MARCO: variants seen among roughly 807,000 people sequenced by gnomAD.
The protein encoded by MARCO is macrophage receptor with collagenous structure.
MARCO carries 72 observed loss-of-function variants against 70.0 expected under a neutral mutation model. The ratio of observed to expected loss-of-function variants is 1.03; its 90% CI spans 0.85 to 1.25. The LOEUF is 1.25. Ranked by LOEUF, MARCO falls within the 50% of genes most tolerant of loss-of-function variation. The pLI, the probability that MARCO is intolerant of heterozygous loss-of-function variation, is 0.00. For synonymous variants in MARCO, 273 were observed against 243.1 expected (o/e 1.12, Z -1.14); for missense variants, 696 against 659.3 (o/e 1.06, Z -0.61).
intron 12 of MARCO, among the ~76,000 whole-genome samples, chr2:118,986,890 CT>C (rs1680529078): frequency 6.6e-6 from 1 of 152,140 alleles, no homozygotes; most frequent in African/African-American, 2.4e-5. Context: ...GAACTTACCC[CT>C]GACTAGCTGA....
At chr2:118,943,427 C>T (rs1679540479) in intron 1 of MARCO, among the ~76,000 whole-genome samples, 1 of 152,212 alleles carries the variant, frequency 6.6e-6, no homozygotes, top group African/African-American at 2.4e-5. Context: ...CAAGCATACT[C>T]AGCACCTATT....
chr2:118,957,745 T>C (rs902284206), intron 1 of MARCO, among the ~76,000 whole-genome samples: 2 of 152,032 alleles, frequency 1.3e-5, no homozygotes, highest in Non-Finnish European at 2.9e-5. Flanking sequence ...TGAACATAGA[T>C]GTGAAAATCC....
chr2:118,992,890 GCCACAGGGGCACC>G, intron 15 of MARCO: 2 of 502,030 alleles, frequency 4.0e-6, no homozygotes, highest in Non-Finnish European at 7.0e-6. Flanking sequence ...TTGCAAACCA[GCCACAGGGGCACC>G]TGCCCCTGTG....
chr2:118,958,783 A>G lies in MARCO; in HGVS notation c.98-10377A>G, dbSNP rs1573381638. ...ACTATAAGGCCACAGTCACCAAAACAGTGTGGTACCAGTATAAAAAATAGC... is the reference window on the plus strand; with the variant it reads ...ACTATAAGGCCACAGTCACCAAAACGGTGTGGTACCAGTATAAAAAATAGC... On this transcript the variant is annotated intron_variant, in intron 1 of 16. Coordinates refer to ENST00000327097, the MANE Select transcript of MARCO (RefSeq NM_006770.4). Among the ~76,000 whole-genome samples the G allele has an allele frequency of 2.0e-5, 3 of 152,340 alleles. No individual in the cohort carries two copies. The South Asian group carries it at 6.2e-4, about 32-fold the overall frequency.
chr2:118,992,410 G>A lies in MARCO; in HGVS notation c.1208-22G>A, dbSNP rs752386759. 5 of 1,612,614 alleles carry A rather than the reference G, an allele frequency of 3.1e-6. No individual in the cohort carries two copies. The African/African-American group carries it at 5.3e-5, about 17-fold the overall frequency. Reference sequence around the variant, plus strand: ...CCTGCCTGGGTTTCTTTCAAACCGTGTGGGTTTTCTCCTCATGACAGGATC... The same window carrying A: ...CCTGCCTGGGTTTCTTTCAAACCGTATGGGTTTTCTCCTCATGACAGGATC... On this transcript the variant is annotated intron_variant, in intron 14 of 16. Transcript: ENST00000327097.
At chr2:118,991,941 A>C in intron 14 of MARCO, 66 bp downstream of exon 14, 1 of 1,146,442 alleles carries the variant, frequency 8.7e-7, no homozygotes, top group South Asian at 1.5e-5. Context: ...CTGTACCTTA[A>C]AATAGGAAAG....
intron 12 of MARCO, among the ~76,000 whole-genome samples, chr2:118,989,951 A>G (rs371257629): frequency 2.0e-5 from 3 of 152,210 alleles, no homozygotes; most frequent in Non-Finnish European, 2.9e-5. Flanking sequence ...TGGGCCTTCC[A>G]TGAAAGTTTA....
rs1440523744 is a variant in MARCO at position 118,986,728 on chromosome 2, A to AAG, written c.1064-3859_1064-3858dup. Among the ~76,000 whole-genome samples the AAG allele has an allele frequency of 2.0e-5, 2 of 100,218 alleles. 1 individual carries two copies. Among genetic ancestry groups the AAG allele is most frequent in the African/African-American group, 8.7e-5 (2 of 22,880 alleles). 65.7% of individuals were successfully genotyped at this position (100,218 alleles called of 152,430 possible). A position where few individuals can be genotyped will look rare whatever the true frequency, so the allele number is the denominator to read the frequency against. On this transcript the variant is annotated intron_variant, in intron 12 of 16. Transcript: ENST00000327097. ...AAGAAAGAAAGAAAGAAAGAAAAGAAAGAAAGAAAGAGAAAGAAAGAGAAA... is the reference window on the plus strand; with the variant it reads ...AAGAAAGAAAGAAAGAAAGAAAAGAAAGAGAAAGAAAGAGAAAGAAAGAGAAA...
intron 8 of MARCO, among the ~76,000 whole-genome samples, chr2:118,979,091 C>T (rs1378753218): frequency 6.6e-6 from 1 of 152,142 alleles, no homozygotes; most frequent in African/African-American, 2.4e-5. Context: ...ACCACTGTAC[C>T]TGGCACATGG....
At position 118,982,234 on chromosome 2, in the gene MARCO, C is replaced by G. The variant is rs752084086; in HGVS notation, c.980C>G (p.Ala327Gly). The change falls in exon 11 of 17, where the codon GCT becomes GGT. Residue 327 changes from alanine to glycine, a missense_variant. By Grantham distance (60) the Ala-to-Gly change is moderately conservative (BLOSUM62 0). Coordinates refer to ENST00000327097, the MANE Select transcript of MARCO (RefSeq NM_006770.4). ...HPGAKGEPGS[A>G]GSPGRAGLPG... The stretch of plus-strand genomic sequence containing the variant: ...GGTGCCAAGGGTGAGCCTGGCAGTG[C>G]TGGCTCCCCTGGGCGAGCAGGTGAG... 3.1e-6 allele frequency: 5 copies of G among 1,612,976 alleles called. No homozygotes were observed. The East Asian group carries it at 1.1e-4, about 36-fold the overall frequency.
At chr2:118,965,703 A>T (rs59523052) in intron 1 of MARCO, among the ~76,000 whole-genome samples, 28,031 of 152,168 alleles carry the variant, frequency 0.18, 3,414 homozygotes, top group African/African-American at 0.33. Flanking sequence ...TCACAGAGTC[A>T]CACAGTTTAG....
At chr2:118,965,859 G>A (rs1367494112) in intron 1 of MARCO, among the ~76,000 whole-genome samples, 1 of 152,206 alleles carries the variant, frequency 6.6e-6, no homozygotes, top group East Asian at 1.9e-4. Flanking sequence ...CTTCCTGCAA[G>A]GCAGAAGGCA....
At chr2:118,965,286 G>A (rs1680023907) in intron 1 of MARCO, among the ~76,000 whole-genome samples, 1 of 152,042 alleles carries the variant, frequency 6.6e-6, no homozygotes, top group South Asian at 2.1e-4. Flanking sequence ...AATTTCTATT[G>A]TTCTATCATC....
chr2:118,990,510 G>A (rs2104611623), intron 12 of MARCO, 79 bp from the exon 13 acceptor site: 1 of 1,367,514 alleles, frequency 7.3e-7, no homozygotes. Context: ...ACAAAAGGTA[G>A]AGGTTGTCTA....
intron 6 of MARCO, 140 bp from the exon 7 acceptor site, chr2:118,977,330 GA>G: frequency 1.4e-6 from 1 of 711,710 alleles, no homozygotes; most frequent in Non-Finnish European, 2.6e-6. Flanking sequence ...GAGAGAGAGA[GA>G]GAGAGTGAGA....
intron 14 of MARCO, among the ~76,000 whole-genome samples, 180 bp downstream of exon 14, chr2:118,992,055 C>T (rs1680632531): frequency 6.6e-6 from 1 of 152,174 alleles, no homozygotes; most frequent in South Asian, 2.1e-4. Context: ...GCATGGAGCA[C>T]ACAGCAGCGG....
chr2:118,967,617 C>T (rs565050220), intron 1 of MARCO, among the ~76,000 whole-genome samples: 137 of 152,204 alleles, frequency 9.0e-4, no homozygotes, highest in Non-Finnish European at 1.6e-3. Context: ...AACAACCAAC[C>T]CACCAACAAA....
chr2:118,979,808 G>T (rs1680356517), intron 8 of MARCO, among the ~76,000 whole-genome samples: 1 of 152,182 alleles, frequency 6.6e-6, no homozygotes, highest in Admixed American at 6.5e-5. Context: ...TGGCTGGGCT[G>T]TGCAAACCAA....
At chr2:118,977,604 GC>G in intron 7 of MARCO, 89 bp downstream of exon 7, 4 of 769,960 alleles carry the variant, frequency 5.2e-6, no homozygotes, top group East Asian at 4.9e-5. Context: ...TCTTTCCACA[GC>G]CCCACCCCAG....
Sources: allele counts gnomAD v4.1 joint callset (sites outside exome capture counted in the v4.1 genomes callset), GRCh38; gene constraint gnomAD v4.1.1; transcripts MANE v1.5; gene names NCBI Gene and HGNC (gene_info 2026-07-23, HGNC 2026-07-21).